ATP6V1C2: variants seen among roughly 807,000 people sequenced by gnomAD.
ATP6V1C2 encodes the protein ATPase H+ transporting V1 subunit C2.
ATP6V1C2 carries 45 observed loss-of-function variants against 56.8 expected under a neutral mutation model. The ratio of observed to expected loss-of-function variants is 0.79; its 90% CI spans 0.62 to 1.02. ATP6V1C2 has a LOEUF of 1.02. ATP6V1C2 is among the 50% of genes least tolerant of loss of function. The pLI, the probability that ATP6V1C2 is intolerant of heterozygous loss-of-function variation, is 0.00. For missense variants in ATP6V1C2, 463 were observed against 519.7 expected (o/e 0.89, Z 1.06); for synonymous variants, 220 against 201.3 (o/e 1.09, Z -0.79).
In ATP6V1C2 at chr2:10,772,608, CAAGT is replaced by C. The variant is rs1268283941; in HGVS notation, c.638+3_638+6del. 5 of 1,613,536 alleles carry C rather than the reference CAAGT, an allele frequency of 3.1e-6. No homozygotes were observed. Among genetic ancestry groups the C allele is most frequent in the East Asian group, 2.2e-5 (1 of 44,894 alleles). Reference sequence around the variant, plus strand: ...CAGACATGGTGGTCCCTCGATCAACCAAGTAAGTGAGACCCCAGCTTGGTCCCAG... The same window carrying C: ...CAGACATGGTGGTCCCTCGATCAACCAAGTGAGACCCCAGCTTGGTCCCAG... On this transcript the variant is annotated splice_donor_variant and coding_sequence_variant, in exon 8 of 14. Coordinates refer to ENST00000272238, the MANE Select transcript of ATP6V1C2 (RefSeq NM_001039362.2). LOFTEE classifies it high-confidence loss of function.
chr2:10,747,296 A>G (rs979061933), intron 3 of ATP6V1C2, among the ~76,000 whole-genome samples: 1 of 152,090 alleles, frequency 6.6e-6, no homozygotes, highest in Non-Finnish European at 1.5e-5. Flanking sequence ...AAAGAAAAGA[A>G]TTCTCATACT....
intron 5 of ATP6V1C2, among the ~76,000 whole-genome samples, chr2:10,767,311 C>T (rs1201720839): frequency 6.6e-6 from 1 of 151,868 alleles, no homozygotes; most frequent in South Asian, 2.1e-4. Flanking sequence ...TAGGCACACA[C>T]TGCCATGCCT....
At chr2:10,770,726 G>C (rs986580436) in intron 6 of ATP6V1C2, among the ~76,000 whole-genome samples, 1 of 152,238 alleles carries the variant, frequency 6.6e-6, no homozygotes, top group Non-Finnish European at 1.5e-5. Context: ...TTTACTAAGT[G>C]CATATACCAA....
At position 10,775,090 on chromosome 2, in the gene ATP6V1C2, A is replaced by G. The variant is rs200013514; in HGVS notation, c.825+19A>G. On this transcript the variant is annotated intron_variant, in intron 10 of 13. Coordinates refer to ENST00000272238, the MANE Select transcript of ATP6V1C2 (RefSeq NM_001039362.2). The stretch of plus-strand genomic sequence containing the variant: ...ACAGTATGTGAGTATGTGATTGAGC[A>G]GCTCCTCCCGCCCCTACCCGGAGGC... 260 of 1,594,968 alleles carry G rather than the reference A, an allele frequency of 1.6e-4. 1 individual carries two copies. The East Asian group carries it at 4.7e-3, about 29-fold the overall frequency.
chr2:10,780,912 T>C lies in ATP6V1C2; in HGVS notation c.1062-1331T>C, dbSNP rs969124259. ...GGCGTGCACCACCACGCCCAGCTAATTTTTGTAATTTTAGTAGCGACGGGG... is the reference window on the plus strand; with the variant it reads ...GGCGTGCACCACCACGCCCAGCTAACTTTTGTAATTTTAGTAGCGACGGGG... On this transcript the variant is annotated intron_variant, in intron 12 of 13. Transcript: ENST00000272238. This position sits in a 1 kb window ranked among gnomAD's most constrained non-coding sequence, Gnocchi z 4.1. 6.6e-6 allele frequency among the ~76,000 whole-genome samples: 1 copy of C among 152,136 alleles called. No homozygotes were observed. The highest frequency in any genetic ancestry group is 2.4e-5 in the African/African-American group (1 of 41,428).
chr2:10,724,053 C>G (rs551700593), intron 2 of ATP6V1C2, among the ~76,000 whole-genome samples: 3 of 151,886 alleles, frequency 2.0e-5, no homozygotes, highest in South Asian at 2.1e-4. Flanking sequence ...TGAGCCACCA[C>G]GCCTGGCCAC....
At chr2:10,773,665 G>A (rs1313775741) in intron 8 of ATP6V1C2, among the ~76,000 whole-genome samples, 1 of 152,196 alleles carries the variant, frequency 6.6e-6, no homozygotes, top group Non-Finnish European at 1.5e-5. Flanking sequence ...TTACACGTGT[G>A]AGCCACCACA....
rs11489 is a variant in ATP6V1C2, at chr2:10,783,455, C to T, written c.*192C>T. 58,312 of 490,938 alleles carry T rather than the reference C, an allele frequency of 0.12. 5,370 individuals carry two copies. Among genetic ancestry groups the T allele is most frequent in the African/African-American group, 0.35 (17,599 of 50,966 alleles). 30.4% of individuals were successfully genotyped at this position (490,938 alleles called of 1,614,324 possible). Reference sequence around the variant, plus strand: ...ATGCTCTCAAGTCCTTTGAATGTTCCAACAAATTCAAAACTTCATTTTCTG... The same window carrying T: ...ATGCTCTCAAGTCCTTTGAATGTTCTAACAAATTCAAAACTTCATTTTCTG... On this transcript the variant is annotated 3_prime_UTR_variant, in exon 14 of 14. Transcript: ENST00000272238.
At position 10,766,907 on chromosome 2, in the gene ATP6V1C2, G is replaced by A. The variant is rs146420402; in HGVS notation, c.379-1812G>A. Among the ~76,000 whole-genome samples, 499 of 152,232 alleles carry A rather than the reference G, an allele frequency of 3.3e-3. 1 individual carries two copies. The highest frequency in any genetic ancestry group is 5.7e-3 in the Non-Finnish European group (387 of 68,016). On this transcript the variant is annotated intron_variant, in intron 5 of 13. Coordinates refer to ENST00000272238, the MANE Select transcript of ATP6V1C2 (RefSeq NM_001039362.2). ...GTATGTAGTTGTATAGTGCAGAATA[G>A]TATAGTTGTATAGTGAGCTGTGGGA...
chr2:10,737,380 G>A lies in ATP6V1C2; in HGVS notation c.197+10811G>A, dbSNP rs1037026372. 7.4e-4 allele frequency among the ~76,000 whole-genome samples: 111 copies of A among 149,048 alleles called. 1 individual carries two copies. Among genetic ancestry groups the A allele is most frequent in the African/African-American group, 2.7e-3 (108 of 40,440 alleles). ...GGGAGGTGCAGTGAGCGGAGATCAC[G>A]CCACTGTACTCCAGCCTGGGCGAGT... On this transcript the variant is annotated intron_variant, in intron 3 of 13. Coordinates refer to ENST00000272238, the MANE Select transcript of ATP6V1C2 (RefSeq NM_001039362.2).
chr2:10,754,776 C>T (rs537943171), intron 4 of ATP6V1C2, among the ~76,000 whole-genome samples: 4 of 152,136 alleles, frequency 2.6e-5, no homozygotes, highest in African/African-American at 9.6e-5. Context: ...GATGGGGTTT[C>T]ACCATATTAG....
At chr2:10,736,029 G>A (rs532034165) in intron 3 of ATP6V1C2, among the ~76,000 whole-genome samples, 69 of 152,292 alleles carry the variant, frequency 4.5e-4, no homozygotes, top group African/African-American at 1.5e-3. Flanking sequence ...GGCTGAACAC[G>A]TTAACTCACG....
chr2:10,753,895 CAGCT>C, intron 3 of ATP6V1C2, 82 bp from the exon 4 acceptor site: 1 of 1,244,246 alleles, frequency 8.0e-7, no homozygotes, highest in Non-Finnish European at 1.1e-6. Flanking sequence ...AGGGTGTCAC[CAGCT>C]ACTTTTCCTG....
chr2:10,771,831 CCT>C lies in ATP6V1C2; in HGVS notation c.471-7_471-6del. ...TCTTTCACACCCTTTGTTCCACCTG[CCT>C]TTTAGGGGGAACCTCTTCACCCGGA... On this transcript the variant is annotated splice_polypyrimidine_tract_variant and splice_region_variant and intron_variant, in intron 6 of 13. Coordinates refer to ENST00000272238, the MANE Select transcript of ATP6V1C2 (RefSeq NM_001039362.2). 6.2e-7 allele frequency: 1 copy of C among 1,609,518 alleles called. No homozygotes were observed. The highest frequency in any genetic ancestry group is 8.5e-7 in the Non-Finnish European group (1 of 1,175,784).
intron 3 of ATP6V1C2, among the ~76,000 whole-genome samples, chr2:10,739,960 G>A (rs2148431354): frequency 3.1e-5 from 1 of 32,222 alleles, no homozygotes; most frequent in Non-Finnish European, 6.0e-5. Context: ...AAATTCGCTG[G>A]GCTTGGTGGT....
At chr2:10,758,681 T>C (rs779947103) in intron 4 of ATP6V1C2, among the ~76,000 whole-genome samples, 1 of 152,144 alleles carries the variant, frequency 6.6e-6, no homozygotes, top group Non-Finnish European at 1.5e-5. Flanking sequence ...TTTTTCTTTT[T>C]GAGACGGAGT....
rs79439345 is a variant in ATP6V1C2, at chr2:10,780,157, G to C, written c.1061+1488G>C. Among the ~76,000 whole-genome samples the C allele has an allele frequency of 2.0e-5, 3 of 152,100 alleles. No individual in the cohort carries two copies. The East Asian group carries it at 5.8e-4, about 29-fold the overall frequency. ...TTCCAGGTCCTGCCATCTGCCTGCC[G>C]TAGGCTTTACCTGGGTATCTGTCTC... On this transcript the variant is annotated intron_variant, in intron 12 of 13. Coordinates refer to ENST00000272238, the MANE Select transcript of ATP6V1C2 (RefSeq NM_001039362.2). The surrounding 1 kb of genome is among the most constrained non-coding windows in gnomAD (Gnocchi z 4.1).
At chr2:10,746,278 G>A (rs1171135057) in intron 3 of ATP6V1C2, among the ~76,000 whole-genome samples, 2 of 152,142 alleles carry the variant, frequency 1.3e-5, no homozygotes, top group Non-Finnish European at 1.5e-5. Flanking sequence ...GGGATTACAG[G>A]TGTGAGCCAC....
At chr2:10,725,489 A>ATT (rs371459373) in intron 2 of ATP6V1C2, among the ~76,000 whole-genome samples, 4,279 of 106,998 alleles carry the variant, frequency 0.04, 419 homozygotes, top group East Asian at 0.36. Context: ...CCCAGCAAGA[A>ATT]TTTTTTTTTT....
Sources: allele counts gnomAD v4.1 joint callset (sites outside exome capture counted in the v4.1 genomes callset), GRCh38; gene constraint gnomAD v4.1.1; non-coding constraint Gnocchi (gnomAD v3.1); transcripts MANE v1.5; gene names NCBI Gene and HGNC (gene_info 2026-07-23, HGNC 2026-07-21).